The following MYO5B variants were observed in gnomAD, a reference collection of about 807,000 sequenced individuals.
The protein encoded by MYO5B is myosin VB, also known as unconventional myosin-Vb.
Under a neutral mutation model 229.3 loss-of-function variants are expected in MYO5B, and 143 were observed. The ratio of observed to expected loss-of-function variants is 0.62; its 90% CI spans 0.54 to 0.72. The LOEUF (loss-of-function observed/expected upper bound fraction) is 0.72, where lower values mean the gene tolerates loss of function less well. Ranked by LOEUF, MYO5B falls within the 30% of genes least tolerant of loss-of-function variation. The probability of loss-of-function intolerance (pLI) is 0.00; values close to 1 mark genes in which losing one functional copy is unlikely to be tolerated. For synonymous variants in MYO5B, 918 were observed against 885.2 expected, an observed-to-expected ratio of 1.04 and a Z score of -0.66; for missense variants, 2,321 against 2,331.0, an observed-to-expected ratio of 1.00 and a Z score of 0.09.
At chr18:50,008,141 C>T (rs1488297078) in intron 4 of MYO5B, among the ~76,000 whole-genome samples, 1 of 152,174 alleles carries the variant, frequency 6.6e-6, no homozygotes, top group Non-Finnish European at 1.5e-5. Context: ...AACTTAGCCT[C>T]AGTGTAAGTT....
intron 17 of MYO5B, among the ~76,000 whole-genome samples, chr18:49,919,471 T>C (rs901753296): frequency 1.3e-5 from 2 of 152,232 alleles, no homozygotes; most frequent in Admixed American, 6.5e-5. Context: ...ATAACTCCTA[T>C]AACTCAACAA....
chr18:49,831,358 C>A (rs2023919044), intron 39 of MYO5B, among the ~76,000 whole-genome samples: 1 of 152,108 alleles, frequency 6.6e-6, no homozygotes. Flanking sequence ...AAAATACTTG[C>A]AAATCATATC....
At chr18:49,983,656 A>G (rs2025840020) in intron 8 of MYO5B, among the ~76,000 whole-genome samples, 1 of 152,076 alleles carries the variant, frequency 6.6e-6, no homozygotes, top group Admixed American at 6.6e-5. Context: ...GTAGTCAATC[A>G]CCTGCTACTG....
chr18:49,903,213 A>G (rs1322254456), intron 20 of MYO5B, among the ~76,000 whole-genome samples: 1 of 151,918 alleles, frequency 6.6e-6, no homozygotes. Context: ...GAGATACTTC[A>G]GTGAGTGTCC....
chr18:50,114,253 G>A (rs566974807), intron 1 of MYO5B, among the ~76,000 whole-genome samples: 3 of 152,292 alleles, frequency 2.0e-5, no homozygotes, highest in South Asian at 4.1e-4. Context: ...TTAAACTGCC[G>A]TGCTGTTATA....
intron 27 of MYO5B, among the ~76,000 whole-genome samples, chr18:49,871,252 A>C (rs550252576): frequency 2.5e-4 from 38 of 152,300 alleles, no homozygotes; most frequent in Non-Finnish European, 5.1e-4. Flanking sequence ...CAGAAAGTAC[A>C]ATTGTGGTTG....
chr18:49,848,179 C>T (rs1440339877), intron 32 of MYO5B, among the ~76,000 whole-genome samples: 1 of 152,204 alleles, frequency 6.6e-6, no homozygotes, highest in African/African-American at 2.4e-5. Flanking sequence ...CACATCTGTA[C>T]ATTCACATGG....
At chr18:49,869,309 T>C (rs80183742) in intron 27 of MYO5B, among the ~76,000 whole-genome samples, 36,369 of 152,006 alleles carry the variant, frequency 0.24, 4,448 homozygotes, top group East Asian at 0.41. Context: ...GTCCCCTGAA[T>C]GTCTGGGCTG....
chr18:49,980,629 C>A, intron 8 of MYO5B, 76 bp from the exon 9 acceptor site: 14 of 1,083,198 alleles, frequency 1.3e-5, no homozygotes, highest in Non-Finnish European at 2.0e-5. Context: ...CTTTTAAGGA[C>A]ATTTTTTTTT....
intron 25 of MYO5B, 44 bp downstream of exon 25, chr18:49,877,719 C>A (rs375064300): frequency 1.2e-6 from 2 of 1,612,628 alleles, no homozygotes; most frequent in East Asian, 4.5e-5. Context: ...AAAACACACA[C>A]TCCCTCTGGA....
At chr18:49,961,583 T>C (rs962987735) in intron 12 of MYO5B, among the ~76,000 whole-genome samples, 2 of 152,270 alleles carry the variant, frequency 1.3e-5, no homozygotes, top group Non-Finnish European at 2.9e-5. Context: ...TGTTGATTAG[T>C]GTTTCCATCC....
At chr18:49,930,006 T>A (rs904315072) in intron 16 of MYO5B, among the ~76,000 whole-genome samples, 1 of 152,214 alleles carries the variant, frequency 6.6e-6, no homozygotes, top group African/African-American at 2.4e-5. Flanking sequence ...CCCCATTATT[T>A]GGCTCAAGCA....
At chr18:49,947,256 C>T (rs1159892451) in intron 14 of MYO5B, among the ~76,000 whole-genome samples, 1 of 152,034 alleles carries the variant, frequency 6.6e-6, no homozygotes, top group African/African-American at 2.4e-5. Flanking sequence ...CAGGCGCCCG[C>T]CACCACGCCT....
chr18:49,947,198 CG>C (rs1568042452), intron 14 of MYO5B, among the ~76,000 whole-genome samples: 1 of 148,500 alleles, frequency 6.7e-6, no homozygotes, highest in Admixed American at 7.0e-5. Context: ...CTCCACCTCC[CG>C]GGTTCACGCC....
intron 1 of MYO5B, among the ~76,000 whole-genome samples, chr18:50,057,785 C>G (rs1464963027): frequency 6.6e-6 from 1 of 152,288 alleles, no homozygotes; most frequent in East Asian, 1.9e-4. Context: ...CCTTGCTCCT[C>G]CAGGTGAGGA....
chr18:49,974,664 CG>C lies in MYO5B; in HGVS notation c.1057-50del, dbSNP rs772828630. 3.1e-6 allele frequency: 5 copies of C among 1,587,300 alleles called. No homozygotes were observed. In the South Asian group the frequency reaches 5.6e-5, roughly 18 times the overall value. On this transcript the variant is annotated intron_variant, in intron 9 of 39. Coordinates refer to ENST00000285039, the MANE Select transcript of MYO5B (RefSeq NM_001080467.3). ...TTCAGGAGGAGTGTGGGAGACAAGCCGCCCCCCACCAATGTCTTCCACCCTC... is the reference window on the plus strand; with the variant it reads ...TTCAGGAGGAGTGTGGGAGACAAGCCCCCCCCACCAATGTCTTCCACCCTC...
chr18:49,906,282 A>C, intron 19 of MYO5B, 137 bp downstream of exon 19: 1 of 855,754 alleles, frequency 1.2e-6, no homozygotes, highest in South Asian at 1.5e-5. Context: ...CTGCCGAGGA[A>C]AAGCCAAGAT....
At chr18:50,084,246 G>A (rs559293436) in intron 1 of MYO5B, among the ~76,000 whole-genome samples, 3 of 152,148 alleles carry the variant, frequency 2.0e-5, no homozygotes, top group Non-Finnish European at 2.9e-5. Flanking sequence ...GAATTCATTC[G>A]TCCTCCCTTA....
chr18:49,965,518 T>G (rs1268736686), intron 10 of MYO5B, among the ~76,000 whole-genome samples: 3 of 151,048 alleles, frequency 2.0e-5, no homozygotes, highest in Non-Finnish European at 2.9e-5. Flanking sequence ...ATGCACCAAA[T>G]GGACGGCAGT....
Sources: gnomAD v4.1 joint callset for allele counts (sites outside exome capture counted in the v4.1 genomes callset) on GRCh38, gnomAD v4.1.1 for gene constraint, MANE v1.5 for transcripts, NCBI Gene and HGNC (gene_info 2026-07-23, HGNC 2026-07-21) for gene names.